The following FAM13A variants were observed in gnomAD, a reference collection of about 807,000 sequenced individuals.
FAM13A encodes the protein family with sequence similarity 13 member A.
Under a neutral mutation model 129.6 loss-of-function variants are expected in FAM13A, and 76 were observed. The ratio of observed to expected loss-of-function variants is 0.59; its 90% CI spans 0.49 to 0.71. The LOEUF (loss-of-function observed/expected upper bound fraction) is 0.71. FAM13A is among the 30% of genes least tolerant of loss of function. FAM13A has a pLI of 0.00. For missense variants in FAM13A, 1,108 were observed against 1,249.3 expected, an observed-to-expected ratio of 0.89 and a Z score of 1.70; for synonymous variants, 443 against 449.9, an observed-to-expected ratio of 0.98 and a Z score of 0.20.
chr4:88,754,667 T>G (rs750322519), intron 14 of FAM13A, among the ~76,000 whole-genome samples: 19 of 152,172 alleles, frequency 1.2e-4, no homozygotes, highest in Non-Finnish European at 2.2e-4. Flanking sequence ...TTAAAAAATT[T>G]TCTTTAGTGT....
chr4:88,850,719 CTGAA>C (rs1561160332), intron 7 of FAM13A, among the ~76,000 whole-genome samples: 5 of 152,182 alleles, frequency 3.3e-5, no homozygotes. Context: ...ATATTTTCTA[CTGAA>C]CATGCTATGA....
intron 7 of FAM13A, among the ~76,000 whole-genome samples, chr4:88,826,003 C>G (rs1382621886): frequency 6.6e-6 from 1 of 152,142 alleles, no homozygotes; most frequent in Non-Finnish European, 1.5e-5. Flanking sequence ...CAGCCACTGC[C>G]AGAGTTCTTG....
intron 3 of FAM13A, among the ~76,000 whole-genome samples, chr4:89,001,983 T>C (rs796606810): frequency 1.2e-4 from 19 of 152,126 alleles, no homozygotes; most frequent in African/African-American, 4.3e-4. Context: ...AACTCTCACA[T>C]GTTGTTTGCA....
At position 88,945,990 on chromosome 4, in the gene FAM13A, G is replaced by GTATATA. The variant is rs199936059; in HGVS notation, c.606-7755_606-7750dup. ...TGTGTGTGTGTGTGTGTGTGTGTGT[G>GTATATA]TATATATATATATATATATATATAT... On this transcript the variant is annotated intron_variant, in intron 4 of 23. Coordinates refer to ENST00000264344, the MANE Select transcript of FAM13A (RefSeq NM_014883.4). Among the ~76,000 whole-genome samples, 221 of 61,886 alleles carry GTATATA rather than the reference G, an allele frequency of 3.6e-3. 2 individuals carry two copies. Among genetic ancestry groups the GTATATA allele is most frequent in the African/African-American group, 6.1e-3 (71 of 11,566 alleles). The allele number at this position is 61,886 out of a possible 152,430, so 40.6% of individuals were successfully genotyped here. A position where few individuals can be genotyped will look rare whatever the true frequency, so the allele number is the denominator to read the frequency against.
At chr4:88,942,833 A>G (rs2148832402) in intron 4 of FAM13A, among the ~76,000 whole-genome samples, 1 of 152,284 alleles carries the variant, frequency 6.6e-6, no homozygotes, top group Non-Finnish European at 1.5e-5. Context: ...TGATATCAAC[A>G]ATACACTGAT....
chr4:88,741,836 G>A (rs969861123), intron 19 of FAM13A, among the ~76,000 whole-genome samples: 5 of 152,108 alleles, frequency 3.3e-5, no homozygotes, highest in African/African-American at 1.2e-4. Context: ...CAAGCATTTC[G>A]TATAAGGGAT....
chr4:88,963,002 A>C (rs1758836571), intron 4 of FAM13A, among the ~76,000 whole-genome samples: 3 of 152,186 alleles, frequency 2.0e-5, no homozygotes, highest in South Asian at 2.1e-4. Flanking sequence ...AGATTTCTAA[A>C]AGGATGTTCA....
At chr4:88,755,626 G>T (rs1003880065) in intron 14 of FAM13A, among the ~76,000 whole-genome samples, 1 of 152,132 alleles carries the variant, frequency 6.6e-6, no homozygotes, top group African/African-American at 2.4e-5. Flanking sequence ...TTGTTACTTT[G>T]AATCATCATT....
chr4:88,869,480 T>C (rs776088904), intron 6 of FAM13A, among the ~76,000 whole-genome samples: 1 of 152,200 alleles, frequency 6.6e-6, no homozygotes, highest in Non-Finnish European at 1.5e-5. Flanking sequence ...ATATCGGAAA[T>C]GTGCATATTA....
intron 5 of FAM13A, among the ~76,000 whole-genome samples, chr4:88,924,012 C>T (rs1751644732): frequency 1.3e-5 from 2 of 152,136 alleles, no homozygotes; most frequent in African/African-American, 4.8e-5. Flanking sequence ...TGAAGGACCT[C>T]TTCAAAGAGA....
At chr4:88,872,280 A>G (rs1741554356) in intron 6 of FAM13A, among the ~76,000 whole-genome samples, 1 of 152,222 alleles carries the variant, frequency 6.6e-6, no homozygotes, top group African/African-American at 2.4e-5. Flanking sequence ...ACAGGATCAA[A>G]TTCACACATA....
At chr4:88,788,416 G>C (rs1292561071) in intron 9 of FAM13A, among the ~76,000 whole-genome samples, 6 of 152,110 alleles carry the variant, frequency 3.9e-5, no homozygotes, top group African/African-American at 1.4e-4. Flanking sequence ...AAAATTATAT[G>C]AAAATAATGA....
chr4:88,772,892 A>G (rs139246289), intron 11 of FAM13A, among the ~76,000 whole-genome samples: 1 of 152,226 alleles, frequency 6.6e-6, no homozygotes, highest in Non-Finnish European at 1.5e-5. Context: ...CTTACTCAAT[A>G]GTACACAAAA....
intron 6 of FAM13A, among the ~76,000 whole-genome samples, chr4:88,867,676 GATCT>G (rs1740686550): frequency 6.6e-6 from 1 of 152,162 alleles, no homozygotes; most frequent in Non-Finnish European, 1.5e-5. Flanking sequence ...TTTCAACATA[GATCT>G]ATCTTAAAAA....
intron 6 of FAM13A, among the ~76,000 whole-genome samples, chr4:88,904,514 G>A (rs1352404079): frequency 6.6e-6 from 1 of 152,152 alleles, no homozygotes; most frequent in Non-Finnish European, 1.5e-5. Context: ...ACTAACACAG[G>A]AATAGAAAAC....
At position 88,787,750 on chromosome 4, in the gene FAM13A, C is replaced by T; in HGVS notation, c.1271+3G>A. 1 of 1,610,270 alleles carries T rather than the reference C, an allele frequency of 6.2e-7. No individual in the cohort carries two copies. The highest frequency in any genetic ancestry group is 8.5e-7 in the Non-Finnish European group (1 of 1,178,580). On this transcript the variant is annotated splice_donor_region_variant and intron_variant, in intron 10 of 23. Coordinates refer to ENST00000264344, the MANE Select transcript of FAM13A (RefSeq NM_014883.4). ...GTAAGAGGAAGAATCAATGCCAACT[C>T]ACTTGTCTCTCCCATGTCGAACTTC... is the stretch of plus-strand genomic sequence containing the variant.
chr4:88,787,428 G>A (rs1724188464), intron 10 of FAM13A, among the ~76,000 whole-genome samples: 2 of 152,084 alleles, frequency 1.3e-5, no homozygotes, highest in South Asian at 4.1e-4. Flanking sequence ...CTCTGGACAA[G>A]CATATGGTAA....
At chr4:88,781,787 C>T (rs1207751922) in intron 10 of FAM13A, among the ~76,000 whole-genome samples, 1 of 150,080 alleles carries the variant, frequency 6.7e-6, no homozygotes, top group Non-Finnish European at 1.5e-5. Flanking sequence ...GTGTATTGAA[C>T]AATGAGAACA....
intron 11 of FAM13A, among the ~76,000 whole-genome samples, chr4:88,772,316 G>A (rs959481321): frequency 6.6e-6 from 1 of 152,088 alleles, no homozygotes; most frequent in East Asian, 1.9e-4. Flanking sequence ...GCTTAAAATT[G>A]TATAAGCGCA....
Sources: gnomAD v4.1 joint callset for allele counts (sites outside exome capture counted in the v4.1 genomes callset) on GRCh38, gnomAD v4.1.1 for gene constraint, MANE v1.5 for transcripts, NCBI Gene and HGNC (gene_info 2026-07-23, HGNC 2026-07-21) for gene names.